The following RGS6 variants were observed in gnomAD, a reference collection of about 807,000 sequenced individuals.
RGS6 encodes regulator of G protein signaling 6, also known as regulator of G-protein signaling 6.
In RGS6, 30 loss-of-function variants were observed where a neutral mutation model predicts 78.5. The ratio of observed to expected loss-of-function variants is 0.38; its 90% CI spans 0.29 to 0.52. The LOEUF (loss-of-function observed/expected upper bound fraction) is 0.52. Ranked by LOEUF, RGS6 falls within the 20% of genes least tolerant of loss-of-function variation. The probability of loss-of-function intolerance (pLI) is 0.85; values close to 1 mark genes in which losing one functional copy is unlikely to be tolerated. For missense variants in RGS6, 495 were observed against 609.7 expected, an observed-to-expected ratio of 0.81 and a Z score of 1.98; for synonymous variants, 206 against 206.0, an observed-to-expected ratio of 1.00 and a Z score of 0.00.
At chr14:72,523,993 G>GA (rs2153473102) in intron 15 of RGS6, among the ~76,000 whole-genome samples, 1 of 152,264 alleles carries the variant, frequency 6.6e-6, no homozygotes, top group Admixed American at 6.5e-5. Flanking sequence ...TGATGGGGGT[G>GA]ATGTCTTCTT....
intron 2 of RGS6, among the ~76,000 whole-genome samples, chr14:72,257,915 G>A (rs2057396585): frequency 6.6e-6 from 1 of 152,184 alleles, no homozygotes; most frequent in Non-Finnish European, 1.5e-5. Flanking sequence ...CTCTAGCATT[G>A]TTTATAAGAA....
chr14:72,365,809 G>A lies in RGS6; in HGVS notation c.184+13615G>A, dbSNP rs1186364398. Among the ~76,000 whole-genome samples, 3 of 152,066 alleles carry A rather than the reference G, an allele frequency of 2.0e-5. No homozygotes were observed. The East Asian group carries it at 5.8e-4, about 29-fold the overall frequency. On this transcript the variant is annotated intron_variant, in intron 3 of 17. Transcript: ENST00000553525. ...AAAATAACCTATATTCATCTAACCTGTTTTGGGTAAAGGAGGTTCCTATAC... is the reference window on the plus strand; with the variant it reads ...AAAATAACCTATATTCATCTAACCTATTTTGGGTAAAGGAGGTTCCTATAC...
the RGS6 span, among the ~76,000 whole-genome samples, chr14:72,605,862 C>T: frequency 2.0e-5 from 3 of 152,218 alleles, no homozygotes; most frequent in African/African-American, 7.2e-5. Flanking sequence ...AGAGGACACC[C>T]CTGTGCCCTT....
At chr14:72,398,137 T>A (rs970663833) in intron 3 of RGS6, among the ~76,000 whole-genome samples, 3 of 152,190 alleles carry the variant, frequency 2.0e-5, no homozygotes, top group Non-Finnish European at 4.4e-5. Context: ...TACCAGCTCC[T>A]CCTTGTACCT....
intron 3 of RGS6, among the ~76,000 whole-genome samples, chr14:72,372,799 G>A (rs1000591711): frequency 2.0e-5 from 3 of 152,208 alleles, no homozygotes. Flanking sequence ...GATTCTTGCT[G>A]AGCTGTTGAA....
chr14:72,171,453 T>C (rs976159649), intron 2 of RGS6, among the ~76,000 whole-genome samples: 7 of 152,218 alleles, frequency 4.6e-5, no homozygotes, highest in Non-Finnish European at 7.3e-5. Flanking sequence ...AATAGTCCAG[T>C]GTTTCCCAAC....
At chr14:72,287,277 C>G (rs1025098092) in intron 2 of RGS6, among the ~76,000 whole-genome samples, 6 of 152,134 alleles carry the variant, frequency 3.9e-5, no homozygotes, top group African/African-American at 1.4e-4. Flanking sequence ...ATTCTTACTT[C>G]TTTCTTTCCT....
At chr14:72,051,914 C>CT (rs2093271884) in intron 2 of RGS6, among the ~76,000 whole-genome samples, 4 of 152,142 alleles carry the variant, frequency 2.6e-5, no homozygotes, top group Admixed American at 2.6e-4. Flanking sequence ...CAACCCTAAT[C>CT]TCCTTCCTTC....
intron 2 of RGS6, among the ~76,000 whole-genome samples, chr14:72,346,402 A>T (rs1566582984): frequency 6.6e-6 from 1 of 152,186 alleles, no homozygotes; most frequent in Non-Finnish European, 1.5e-5. Flanking sequence ...TCTCCGGGTC[A>T]TTTCTCTGTC....
chr14:71,918,680 T>C, the RGS6 span, among the ~76,000 whole-genome samples: 1 of 152,208 alleles, frequency 6.6e-6, no homozygotes. Context: ...TATGTGTATA[T>C]TTTCTTAAAT....
chr14:72,346,722 C>T (rs988704339), intron 2 of RGS6, among the ~76,000 whole-genome samples: 2 of 152,186 alleles, frequency 1.3e-5, no homozygotes, highest in Non-Finnish European at 2.9e-5. Flanking sequence ...CAACTTGTCC[C>T]AGGTCAACAC....
At chr14:72,468,654 G>A (rs574142815) in intron 7 of RGS6, among the ~76,000 whole-genome samples, 1 of 151,986 alleles carries the variant, frequency 6.6e-6, no homozygotes, top group Non-Finnish European at 1.5e-5. Context: ...TGTGGCAGCT[G>A]CTTCTCTTTC....
chr14:72,534,997 T>A (rs184395962), intron 15 of RGS6, among the ~76,000 whole-genome samples: 1 of 152,150 alleles, frequency 6.6e-6, no homozygotes, highest in Non-Finnish European at 1.5e-5. Flanking sequence ...CCAACCTCCC[T>A]CCTAACACAT....
At chr14:72,410,891 T>C (rs1007275006) in intron 3 of RGS6, among the ~76,000 whole-genome samples, 1 of 152,218 alleles carries the variant, frequency 6.6e-6, no homozygotes, top group African/African-American at 2.4e-5. Context: ...ATATGCAGCA[T>C]TATTTCTGAG....
At chr14:72,488,306 C>CT (rs2096526622) in intron 12 of RGS6, among the ~76,000 whole-genome samples, 1 of 152,198 alleles carries the variant, frequency 6.6e-6, no homozygotes, top group Non-Finnish European at 1.5e-5. Flanking sequence ...TTGCCTAGAC[C>CT]TTTTTTAGAG....
chr14:72,162,432 A>G (rs1179835589), intron 2 of RGS6, among the ~76,000 whole-genome samples: 1 of 152,168 alleles, frequency 6.6e-6, no homozygotes, highest in African/African-American at 2.4e-5. Context: ...TCTGGGGAGT[A>G]GAAAGAAGTA....
intron 3 of RGS6, among the ~76,000 whole-genome samples, chr14:72,402,790 G>GTTTTTTTTTTTTTTTTTTTTTTTTTGT (rs1167831473): frequency 1.3e-5 from 1 of 75,794 alleles, no homozygotes; most frequent in Admixed American, 1.8e-4. Context: ...TGTTTTTTTG[G>GTTTTTTTTTTTTTTTTTTTTTTTTTGT]TTTTTTTTTT....
chr14:72,215,546 C>T lies in RGS6; in HGVS notation c.85-136549C>T, dbSNP rs192871519. Reference sequence around the variant, plus strand: ...AGGCAGGGTCATTTATAACCTGATGCGTCCACCCTACTGCTGTGTCCCGTT... The same window carrying T: ...AGGCAGGGTCATTTATAACCTGATGTGTCCACCCTACTGCTGTGTCCCGTT... On this transcript the variant is annotated intron_variant, in intron 2 of 17. Transcript: ENST00000553525. Among the ~76,000 whole-genome samples, 330 of 152,300 alleles carry T rather than the reference C, an allele frequency of 2.2e-3. 1 individual carries two copies. Among genetic ancestry groups the T allele is most frequent in the Middle Eastern group, 6.8e-3 (2 of 294 alleles).
In RGS6 at chr14:72,375,221, T is replaced by G. The variant is rs571414591; in HGVS notation, c.184+23027T>G. On this transcript the variant is annotated intron_variant, in intron 3 of 17. Coordinates refer to ENST00000553525, the MANE Select transcript of RGS6 (RefSeq NM_001204424.2). ...TTGTCTTTATTATTTCCTTCCAAAT[T>G]TAAAGATCTAATAGTTGACAGTTTT... is the stretch of plus-strand genomic sequence containing the variant. Among the ~76,000 whole-genome samples, 26 of 152,294 alleles carry G rather than the reference T, an allele frequency of 1.7e-4. No individual in the cohort carries two copies. The South Asian group carries it at 4.6e-3, about 27-fold the overall frequency.
Sources: gnomAD v4.1 joint callset for allele counts (sites outside exome capture counted in the v4.1 genomes callset) on GRCh38, gnomAD v4.1.1 for gene constraint, MANE v1.5 for transcripts, NCBI Gene and HGNC (gene_info 2026-07-23, HGNC 2026-07-21) for gene names.